Variants in GPM6B observed in about 807,000 individuals in gnomAD.
GPM6B encodes the protein neuronal membrane glycoprotein M6-b.
A neutral mutation model predicts 27.2 loss-of-function variants in GPM6B; 4 were observed. The observed-to-expected ratio is 0.15, with a 90% CI of 0.07 to 0.34. GPM6B has a LOEUF of 0.34. Ranked by LOEUF, GPM6B falls within the 10% of genes least tolerant of loss-of-function variation. The pLI is 1.00. For missense variants in GPM6B, 183 were observed against 261.9 expected (o/e 0.70, Z 2.08); for synonymous variants, 124 against 103.1 (o/e 1.20, Z -1.23).
intron 2 of GPM6B, among the ~76,000 whole-genome samples, chrX:13,787,041 CA>C (rs869123073): frequency 0.033 from 803 of 24,421 alleles, 1 homozygote; most frequent in Non-Finnish European, 0.04. Flanking sequence ...ATTAAGCCAG[CA>C]AAAAAAAAAA....
At chrX:13,840,306 C>G (rs2049557152) in intron 1 of GPM6B, among the ~76,000 whole-genome samples, 1 of 110,729 alleles carries the variant, frequency 9.0e-6, no homozygotes, top group Admixed American at 9.6e-5. Flanking sequence ...TGCCTCCAGC[C>G]ACCCACCTAC....
At chrX:13,905,056 G>A (rs1449594475) in intron 1 of GPM6B, among the ~76,000 whole-genome samples, 2 of 107,159 alleles carry the variant, frequency 1.9e-5, no homozygotes, top group African/African-American at 3.4e-5. Flanking sequence ...GCAACATGGC[G>A]AGACCTCATC....
At chrX:13,825,002 T>C (rs1277953974) in intron 1 of GPM6B, among the ~76,000 whole-genome samples, 1 of 111,684 alleles carries the variant, frequency 9.0e-6, no homozygotes, top group Non-Finnish European at 1.9e-5. Flanking sequence ...ACTCCATCTC[T>C]GCCTCCGTCA....
At chrX:13,798,173 A>G (rs1205590851) in intron 2 of GPM6B, among the ~76,000 whole-genome samples, 1 of 110,961 alleles carries the variant, frequency 9.0e-6, no homozygotes, top group Non-Finnish European at 1.9e-5. Flanking sequence ...TTCAATTTCT[A>G]CAAGACACAC....
At position 13,774,459 on chromosome X, in the gene GPM6B, G is replaced by C; in HGVS notation, c.838-1429C>G. 2.6e-6 allele frequency: 3 copies of C among 1,171,239 alleles called. No individual in the cohort carries two copies. In the Admixed American group the frequency reaches 7.2e-5, roughly 28 times the overall value. Reference sequence around the variant, plus strand: ...ATTTACAAATTACTGTAACAAAATTGCAGAAACCTAGACTCTGCTTTAGTC... The same window carrying C: ...ATTTACAAATTACTGTAACAAAATTCCAGAAACCTAGACTCTGCTTTAGTC... On this transcript the variant is annotated intron_variant, in intron 7 of 7. Coordinates refer to ENST00000316715, the MANE Select transcript of GPM6B (RefSeq NM_001001995.3).
At chrX:13,919,901 C>T (rs1283075826) in intron 1 of GPM6B, among the ~76,000 whole-genome samples, 1 of 111,137 alleles carries the variant, frequency 9.0e-6, no homozygotes, top group African/African-American at 3.3e-5. Context: ...GGAGAGAAAC[C>T]CCAGGTCTAA....
At chrX:13,799,950 C>CTTG (rs1025934357) in intron 2 of GPM6B, among the ~76,000 whole-genome samples, 1 of 111,899 alleles carries the variant, frequency 8.9e-6, no homozygotes, top group Non-Finnish European at 1.9e-5. Context: ...CATTCATGGC[C>CTTG]TTGTGTAATT....
chrX:13,938,531 G>A, upstream of GPM6B: 1 of 899,609 alleles, frequency 1.1e-6, no homozygotes, highest in Non-Finnish European at 1.4e-6. Flanking sequence ...TGGCGGGAGG[G>A]GTGAGGGCTG....
intron 1 of GPM6B, among the ~76,000 whole-genome samples, chrX:13,889,820 C>A (rs2050172814): frequency 1.8e-5 from 2 of 108,725 alleles, no homozygotes. Context: ...ATTCCCCCTG[C>A]CAATCACATA....
intron 1 of GPM6B, among the ~76,000 whole-genome samples, chrX:13,865,559 A>AAAAAAAAAAAAAAAAAAAAGAAAG (rs34662549): frequency 5.7e-5 from 3 of 52,929 alleles, no homozygotes; most frequent in East Asian, 9.8e-4. Flanking sequence ...AAAAAAAAAA[A>AAAAAAAAAAAAAAAAAAAAGAAAG]AAAGAAAGAA....
intron 1 of GPM6B, among the ~76,000 whole-genome samples, chrX:13,823,177 A>T (rs1227319759): frequency 8.9e-6 from 1 of 112,591 alleles, no homozygotes; most frequent in Non-Finnish European, 1.9e-5. Context: ...TAAAGCTAAG[A>T]CTTGAAAAGA....
At chrX:13,844,994 T>C (rs75198912) in intron 1 of GPM6B, among the ~76,000 whole-genome samples, 1 of 60,768 alleles carries the variant, frequency 1.6e-5, no homozygotes, top group African/African-American at 7.6e-5. Context: ...TTCTTTTTCT[T>C]TTTTTTTTTT....
intron 7 of GPM6B, among the ~76,000 whole-genome samples, chrX:13,775,087 C>A (rs770593460): frequency 1.9e-4 from 21 of 112,364 alleles, no homozygotes; most frequent in African/African-American, 5.8e-4. Flanking sequence ...GAATAATTTA[C>A]AAGCAGCTGA....
intron 2 of GPM6B, among the ~76,000 whole-genome samples, chrX:13,794,428 T>C (rs955779990): frequency 2.7e-5 from 3 of 111,661 alleles, no homozygotes; most frequent in Non-Finnish European, 5.6e-5. Flanking sequence ...AGAGATTCTA[T>C]CCTGCCTGCC....
intron 2 of GPM6B, among the ~76,000 whole-genome samples, chrX:13,802,552 T>TA (rs2048942228): frequency 9.4e-6 from 1 of 106,019 alleles, no homozygotes; most frequent in Admixed American, 1.0e-4. Context: ...ATAAATTATT[T>TA]TATATATATA....
At chrX:13,840,478 G>C (rs1204222763) in intron 1 of GPM6B, among the ~76,000 whole-genome samples, 1 of 111,710 alleles carries the variant, frequency 9.0e-6, no homozygotes, top group Admixed American at 9.5e-5. Flanking sequence ...CTGGTGTATA[G>C]TAGAAGCGCA....
chrX:13,865,541 T>TCAAAAAAAAAAAAAAAAAAAAA (rs2049901083), intron 1 of GPM6B, among the ~76,000 whole-genome samples: 1 of 3,115 alleles, frequency 3.2e-4, no homozygotes, highest in African/African-American at 7.2e-4. Flanking sequence ...ATCCATCTCT[T>TCAAAAAAAAAAAAAAAAAAAAA]CAAAAAAAAA....
intron 2 of GPM6B, among the ~76,000 whole-genome samples, chrX:13,804,802 A>G (rs184941797): frequency 1.8e-5 from 1 of 54,830 alleles, no homozygotes; most frequent in Admixed American, 2.6e-4. Context: ...AAAAATTAAT[A>G]AAAAAAAAAA....
intron 7 of GPM6B, among the ~76,000 whole-genome samples, chrX:13,775,683 C>T (rs538743021): frequency 8.9e-5 from 10 of 111,910 alleles, no homozygotes; most frequent in African/African-American, 2.9e-4. Context: ...CAGAAACACA[C>T]GAAACAAGCT....
Sources: gnomAD v4.1 joint callset for allele counts (sites outside exome capture counted in the v4.1 genomes callset) on GRCh38, gnomAD v4.1.1 for gene constraint, MANE v1.5 for transcripts, NCBI Gene and HGNC (gene_info 2026-07-23, HGNC 2026-07-21) for gene names.